Variants in HOPX observed in about 807,000 individuals in gnomAD.
HOPX encodes the protein homeodomain-only protein.
Under a neutral mutation model 11.8 loss-of-function variants are expected in HOPX, and 5 were observed. The observed-to-expected ratio is 0.43, with a 90% CI of 0.22 to 0.89. The LOEUF (loss-of-function observed/expected upper bound fraction) is 0.89, where lower values mean the gene tolerates loss of function less well. Among genes scored for constraint, HOPX ranks in the 40% least tolerant of loss-of-function variants. The probability of loss-of-function intolerance (pLI) is 0.28; values close to 1 mark genes in which losing one functional copy is unlikely to be tolerated. For synonymous variants in HOPX, 49 were observed against 49.7 expected, an observed-to-expected ratio of 0.99 and a Z score of 0.06; for missense variants, 119 against 120.0, an observed-to-expected ratio of 0.99 and a Z score of 0.04.
intron 1 of HOPX, among the ~76,000 whole-genome samples, chr4:56,669,418 G>A (rs1018011041): frequency 2.6e-5 from 4 of 152,088 alleles, no homozygotes; most frequent in African/African-American, 9.7e-5. Context: ...TTACACCAGG[G>A]GAGGCCGAGG....
At position 56,657,894 on chromosome 4, in the gene HOPX, A is replaced by G. The variant is rs752613234; in HGVS notation, c.-78T>C. 7 of 1,550,816 alleles carry G rather than the reference A, an allele frequency of 4.5e-6. No homozygotes were observed. The highest frequency in any genetic ancestry group is 1.4e-5 in the African/African-American group (1 of 73,032). ...ACCCTTCTCAGTGGGGCAGTCTGTC[A>G]TTAGTCTGGTAGGAAAAATCAGGAG... On this transcript the variant is annotated 5_prime_UTR_variant, in exon 2 of 4. The change abolishes an upstream ATG in the 5' untranslated region. Transcript: ENST00000420433.
intron 3 of HOPX, chr4:56,650,630 C>T: frequency 6.5e-7 from 1 of 1,541,064 alleles, no homozygotes. Flanking sequence ...CCCACCTGTA[C>T]AGCAGAGTTT....
At chr4:56,666,586 G>GT (rs1015144890) in intron 1 of HOPX, among the ~76,000 whole-genome samples, 11 of 152,290 alleles carry the variant, frequency 7.2e-5, no homozygotes, top group African/African-American at 2.6e-4. Flanking sequence ...TTCTAATCTT[G>GT]TATGTGGAAA....
chr4:56,680,721 TG>T (rs1719282853), intron 1 of HOPX: 2 of 152,122 alleles, frequency 1.3e-5, no homozygotes, highest in Non-Finnish European at 2.9e-5. Flanking sequence ...TCACTGTTTT[TG>T]TTGTTATAAA....
intron 3 of HOPX, chr4:56,651,077 G>A (rs571449026): frequency 1.5e-4 from 46 of 302,808 alleles, no homozygotes; most frequent in African/African-American, 9.8e-4. Context: ...AAAATCTGGA[G>A]GAGGAAAATC....
At chr4:56,651,828 G>C (rs1336228018) in intron 3 of HOPX, among the ~76,000 whole-genome samples, 2 of 151,684 alleles carry the variant, frequency 1.3e-5, no homozygotes, top group African/African-American at 4.8e-5. Context: ...GTTACATTGT[G>C]CTTGAATTGA....
chr4:56,651,934 C>T (rs751467873), intron 3 of HOPX, among the ~76,000 whole-genome samples: 34 of 150,050 alleles, frequency 2.3e-4, no homozygotes, highest in Non-Finnish European at 4.3e-4. Flanking sequence ...ATAGAAAACA[C>T]CAGATCATCC....
chr4:56,660,742 T>C (rs1016390159), intron 1 of HOPX, among the ~76,000 whole-genome samples: 2 of 152,202 alleles, frequency 1.3e-5, no homozygotes, highest in African/African-American at 4.8e-5. Context: ...GCAAACATGA[T>C]TAGGTATCAA....
intron 3 of HOPX, among the ~76,000 whole-genome samples, chr4:56,654,112 G>A (rs1717459816): frequency 6.6e-6 from 1 of 152,170 alleles, no homozygotes; most frequent in African/African-American, 2.4e-5. Context: ...TTCAAATCCT[G>A]GTCCTGCTGC....
intron 1 of HOPX, chr4:56,664,133 ATTCT>A (rs1718301147): frequency 6.7e-6 from 1 of 149,618 alleles, no homozygotes. Flanking sequence ...TGCTTGGAAG[ATTCT>A]TTTTTTTTTT....
chr4:56,652,129 A>G (rs1717250618), intron 3 of HOPX, among the ~76,000 whole-genome samples: 1 of 152,192 alleles, frequency 6.6e-6, no homozygotes, highest in South Asian at 2.1e-4. Context: ...AAGTTATTTC[A>G]ATTACAGCAC....
intron 3 of HOPX, chr4:56,651,178 A>C (rs1336220908): frequency 6.1e-6 from 1 of 163,708 alleles, no homozygotes; most frequent in Non-Finnish European, 1.3e-5. Context: ...GTAATGAAGC[A>C]GAATATTGAT....
intron 1 of HOPX, among the ~76,000 whole-genome samples, chr4:56,668,579 G>C (rs1161900453): frequency 6.6e-6 from 1 of 152,138 alleles, no homozygotes; most frequent in Non-Finnish European, 1.5e-5. Context: ...ATGGGGCCTT[G>C]CCGTGTTGCC....
intron 2 of HOPX, chr4:56,656,265 C>G (rs149195333): frequency 1.7e-6 from 2 of 1,155,324 alleles, no homozygotes; most frequent in Middle Eastern, 3.5e-4. Flanking sequence ...GCCTCCCGCG[C>G]CCCCCGGGAC....
At chr4:56,669,928 G>A (rs761536163) in intron 1 of HOPX, among the ~76,000 whole-genome samples, 10 of 152,134 alleles carry the variant, frequency 6.6e-5, no homozygotes, top group Non-Finnish European at 1.2e-4. Flanking sequence ...TGAACAGGAG[G>A]CTGTCTTTCA....
intron 1 of HOPX, among the ~76,000 whole-genome samples, chr4:56,666,700 AAAC>A (rs1718458881): frequency 6.6e-6 from 1 of 152,234 alleles, no homozygotes; most frequent in Non-Finnish European, 1.5e-5. Flanking sequence ...ATAAATGGGC[AAAC>A]AGAAGAAAGC....
chr4:56,650,599 T>C (rs534770723), intron 3 of HOPX: 16 of 1,431,216 alleles, frequency 1.1e-5, no homozygotes, highest in South Asian at 1.0e-4. Context: ...CTGAATAGCA[T>C]GGGAACACAC....
At chr4:56,659,005 T>G (rs1717947876) in intron 1 of HOPX, 1 of 152,262 alleles carries the variant, frequency 6.6e-6, no homozygotes, top group African/African-American at 2.4e-5. Flanking sequence ...TGTAATCATT[T>G]ATTTTAAAAA....
intron 1 of HOPX, among the ~76,000 whole-genome samples, chr4:56,671,549 A>T (rs1175137094): frequency 6.6e-6 from 1 of 152,100 alleles, no homozygotes; most frequent in East Asian, 1.9e-4. Context: ...GCCAAAGTCC[A>T]ACCACCCATG....
Sources: allele counts gnomAD v4.1 joint callset (sites outside exome capture counted in the v4.1 genomes callset), GRCh38; gene constraint gnomAD v4.1.1; transcripts MANE v1.5; gene names NCBI Gene and HGNC (gene_info 2026-07-23, HGNC 2026-07-21).